Variants in CFAP20DC observed in about 807,000 individuals in gnomAD.
The protein encoded by CFAP20DC is protein CFAP20DC.
CFAP20DC carries 84 observed loss-of-function variants against 101.7 expected under a neutral mutation model. The observed-to-expected ratio is 0.83, with a 90% CI of 0.69 to 0.99. CFAP20DC has a LOEUF of 0.99. CFAP20DC is among the 50% of genes least tolerant of loss of function. The pLI, the probability that CFAP20DC is intolerant of heterozygous loss-of-function variation, is 0.00. For missense variants in CFAP20DC, 1,007 were observed against 970.3 expected, an observed-to-expected ratio of 1.04 and a Z score of -0.50; for synonymous variants, 359 against 351.2, an observed-to-expected ratio of 1.02 and a Z score of -0.25.
chr3:58,890,366 C>T lies in CFAP20DC; in HGVS notation c.551-5657G>A, dbSNP rs545008624. Among the ~76,000 whole-genome samples the T allele has an allele frequency of 9.8e-5, 14 of 142,906 alleles. No individual in the cohort carries two copies. The South Asian group carries it at 3.1e-3, about 32-fold the overall frequency. 93.8% of individuals were successfully genotyped at this position (142,906 alleles called of 152,430 possible). ...GCTGGCCGGGCAGAGGGGCTCCTCA[C>T]TTCCCAGTAGGGGCGGCCGGGCAGA... On this transcript the variant is annotated intron_variant, in intron 6 of 16. Transcript: ENST00000482387.
At chr3:58,966,526 A>G (rs2091552475) in intron 4 of CFAP20DC, among the ~76,000 whole-genome samples, 1 of 145,026 alleles carries the variant, frequency 6.9e-6, no homozygotes, top group African/African-American at 2.7e-5. Context: ...ATATAAATAT[A>G]TATATATATT....
Position 58,753,816 on chromosome 3 carries a change from T to G in CFAP20DC, c.2285A>C (p.Gln762Pro). 6.2e-6 allele frequency: 10 copies of G among 1,613,030 alleles called. No individual in the cohort carries two copies. The highest frequency in any genetic ancestry group is 7.6e-6 in the Non-Finnish European group (9 of 1,179,466). Residue 762 changes from glutamine to proline, a missense_variant, in exon 16 of 17, where the codon CAG becomes CCG. Physicochemically the swap from Gln to Pro is moderately conservative, Grantham distance 76 (BLOSUM62 -1). Transcript: ENST00000482387. ...GGAATCTGGACGCTGCTCAGCCGGC[T>G]GTTGACTGGGAGGAACGATTGGTGG... The part of the protein sequence containing the change: ...LSPPIVPPSQ[Q>P]PAEQRPDSCE...
In CFAP20DC at chr3:59,022,640, T is replaced by C. The variant is rs117895674; in HGVS notation, c.278+16917A>G. On this transcript the variant is annotated intron_variant, in intron 4 of 16. Coordinates refer to ENST00000482387, the MANE Select transcript of CFAP20DC (RefSeq NM_001394063.1). ...AAAGGTTGTTCCTACTTACTGCTAA[T>C]AAATGCAACCAACCACCTACTATAC... Among the ~76,000 whole-genome samples, 173 of 152,210 alleles carry C rather than the reference T, an allele frequency of 1.1e-3. 2 individuals are homozygous for C. In the East Asian group the frequency reaches 0.03, roughly 27 times the overall value.
chr3:58,853,132 T>C (rs1459267832), intron 12 of CFAP20DC, among the ~76,000 whole-genome samples: 1 of 151,918 alleles, frequency 6.6e-6, no homozygotes, highest in Non-Finnish European at 1.5e-5. Context: ...ATAGACACAA[T>C]AAGAAATGAT....
intron 4 of CFAP20DC, among the ~76,000 whole-genome samples, chr3:58,979,817 CTT>C (rs566433334): frequency 5.6e-5 from 8 of 142,292 alleles, no homozygotes; most frequent in African/African-American, 5.1e-5. Context: ...GTTTCTTTTT[CTT>C]TTTTTTTTTT....
intron 14 of CFAP20DC, among the ~76,000 whole-genome samples, chr3:58,816,548 G>C (rs547882627): frequency 6.6e-6 from 1 of 152,146 alleles, no homozygotes; most frequent in Non-Finnish European, 1.5e-5. Flanking sequence ...CTGGAAAATC[G>C]GGTGACTCCC....
chr3:58,972,934 G>C (rs2092035132), intron 4 of CFAP20DC, among the ~76,000 whole-genome samples: 1 of 152,094 alleles, frequency 6.6e-6, no homozygotes, highest in South Asian at 2.1e-4. Flanking sequence ...TTTCACATTT[G>C]ATTTCTGAAG....
chr3:58,765,057 C>G (rs139547727), intron 15 of CFAP20DC, among the ~76,000 whole-genome samples: 130 of 152,240 alleles, frequency 8.5e-4, no homozygotes, highest in African/African-American at 2.9e-3. Context: ...AGGAATACCA[C>G]ATTGTTTTCA....
intron 4 of CFAP20DC, among the ~76,000 whole-genome samples, chr3:58,993,631 C>T (rs546824531): frequency 4.7e-4 from 71 of 152,202 alleles, no homozygotes; most frequent in African/African-American, 1.3e-3. Flanking sequence ...TTTCCTTCCA[C>T]GCATCCATGT....
intron 3 of CFAP20DC, 36 bp downstream of exon 3, chr3:59,046,193 A>C: frequency 1.4e-6 from 2 of 1,386,918 alleles, no homozygotes; most frequent in Non-Finnish European, 2.0e-6. Flanking sequence ...CTTTGAGTAC[A>C]AAATGTTAAG....
intron 4 of CFAP20DC, among the ~76,000 whole-genome samples, chr3:59,010,180 A>C (rs2093549064): frequency 6.6e-6 from 1 of 152,158 alleles, no homozygotes; most frequent in Admixed American, 6.5e-5. Context: ...AACAGCTAAC[A>C]TGACAAATAG....
At position 58,728,676 on chromosome 3, in the gene CFAP20DC, T is replaced by G. The variant is rs910501645; in HGVS notation, c.198-11048A>C. Reference sequence around the variant, plus strand: ...TAGGCTGATTGTGGAGGAAATCATATGCCAGAGCTTTGGTAAATGCATGAA... The same window carrying G: ...TAGGCTGATTGTGGAGGAAATCATAGGCCAGAGCTTTGGTAAATGCATGAA... On this transcript the variant is annotated intron_variant, in intron 3 of 3. Transcript: ENST00000486145. This position sits in a 1 kb window ranked among gnomAD's most constrained non-coding sequence, Gnocchi z 4.7. 6.6e-6 allele frequency among the ~76,000 whole-genome samples: 1 copy of G among 152,174 alleles called. No homozygotes were observed. Among genetic ancestry groups the G allele is most frequent in the Admixed American group, 6.5e-5 (1 of 15,272 alleles).
chr3:58,970,854 T>A (rs1211440666), intron 4 of CFAP20DC: 1 of 152,172 alleles, frequency 6.6e-6, no homozygotes, highest in Admixed American at 6.6e-5. Flanking sequence ...AGCTCTAATT[T>A]ATTGCGTTGT....
At chr3:58,736,462 A>G (rs1326190891) in intron 3 of CFAP20DC, among the ~76,000 whole-genome samples, 2 of 152,206 alleles carry the variant, frequency 1.3e-5, no homozygotes, top group Non-Finnish European at 2.9e-5. Flanking sequence ...TAGATTACTA[A>G]AACTCCATCA....
intron 12 of CFAP20DC, among the ~76,000 whole-genome samples, chr3:58,855,984 A>T (rs1469749741): frequency 6.6e-6 from 1 of 151,704 alleles, no homozygotes; most frequent in African/African-American, 2.4e-5. Flanking sequence ...TTAAAGTATA[A>T]TAAAAAAAAA....
chr3:58,956,440 C>A (rs2090638746), intron 4 of CFAP20DC, among the ~76,000 whole-genome samples: 1 of 152,058 alleles, frequency 6.6e-6, no homozygotes, highest in South Asian at 2.1e-4. Flanking sequence ...GGGCAAGACA[C>A]CTCTGCCTTT....
chr3:58,914,690 A>AT lies in CFAP20DC; in HGVS notation c.394-827dup, dbSNP rs1312612677. On this transcript the variant is annotated intron_variant, in intron 5 of 16. Coordinates refer to ENST00000482387, the MANE Select transcript of CFAP20DC (RefSeq NM_001394063.1). This position sits in a 1 kb window ranked among gnomAD's most constrained non-coding sequence, Gnocchi z 4.9. ...CCTGTATATATAAATATATATATAT[A>AT]TATTTTTTTTCTTTTTTTTAAAGAC... 8.4e-4 allele frequency among the ~76,000 whole-genome samples: 125 copies of AT among 148,216 alleles called. 1 individual carries two copies. Among genetic ancestry groups the AT allele is most frequent in the African/African-American group, 2.9e-3 (115 of 40,078 alleles).
At chr3:58,752,411 G>A (rs2107245116) in intron 16 of CFAP20DC, among the ~76,000 whole-genome samples, 1 of 152,204 alleles carries the variant, frequency 6.6e-6, no homozygotes, top group South Asian at 2.1e-4. Context: ...CTTCTACAAT[G>A]GAAGTTCTGT....
intron 14 of CFAP20DC, among the ~76,000 whole-genome samples, chr3:58,821,299 C>T (rs1390672774): frequency 6.6e-6 from 1 of 152,110 alleles, no homozygotes; most frequent in Non-Finnish European, 1.5e-5. Context: ...CAAATGGGAT[C>T]TAGTTAAACT....
Sources: allele counts gnomAD v4.1 joint callset (sites outside exome capture counted in the v4.1 genomes callset), GRCh38; gene constraint gnomAD v4.1.1; non-coding constraint Gnocchi (gnomAD v3.1); transcripts MANE v1.5; gene names NCBI Gene and HGNC (gene_info 2026-07-23, HGNC 2026-07-21).